POU2F2: variants seen among roughly 807,000 people sequenced by gnomAD.
POU2F2 encodes the protein POU class 2 homeobox 2.
Under a neutral mutation model 63.5 loss-of-function variants are expected in POU2F2, and 14 were observed. The ratio of observed to expected loss-of-function variants is 0.22; its 90% confidence interval spans 0.15 to 0.34. POU2F2 has a LOEUF of 0.34. Ranked by LOEUF, POU2F2 falls within the 10% of genes least tolerant of loss-of-function variation. The pLI is 1.00. For synonymous variants in POU2F2, 306 were observed against 348.6 expected (o/e 0.88, Z 1.36); for missense variants, 607 against 815.2 (o/e 0.74, Z 3.11).
intron 5 of POU2F2, among the ~76,000 whole-genome samples, chr19:42,114,314 C>T (rs2031553326): frequency 6.6e-6 from 1 of 152,084 alleles, no homozygotes; most frequent in African/African-American, 2.4e-5. Context: ...ACTGATATTT[C>T]CTCGAGCAGA....
intron 1 of POU2F2, among the ~76,000 whole-genome samples, chr19:42,187,526 C>T (rs1336737141): frequency 6.6e-6 from 1 of 150,494 alleles, no homozygotes; most frequent in African/African-American, 2.4e-5. Context: ...CTTCGGGAGG[C>T]CAAGGCAGGC....
chr19:42,132,609 G>T (rs569398587), upstream of POU2F2: 97 of 435,230 alleles, frequency 2.2e-4, no homozygotes, highest in African/African-American at 1.8e-3. Context: ...GTGCTGGGGG[G>T]TGGGGGCTAG....
At position 42,096,304 on chromosome 19, in the gene POU2F2, G is replaced by T; in HGVS notation, c.568-61C>A. ...GAGGACCAGGATGGGGCTCAGCGAT[G>T]GGTGCACAGTCCCCCTCCCGCCCTC... On this transcript the variant is annotated intron_variant, in intron 7 of 14. Transcript: ENST00000692977. The surrounding 1 kb of genome is among the most constrained non-coding windows in gnomAD (Gnocchi z 4.1). 6.9e-7 allele frequency: 1 copy of T among 1,444,846 alleles called. No individual in the cohort carries two copies. Among genetic ancestry groups the T allele is most frequent in the Non-Finnish European group, 9.2e-7 (1 of 1,083,158 alleles). The allele number at this position is 1,444,846 out of a possible 1,614,324, so 89.5% of individuals were successfully genotyped here.
At position 42,162,814 on chromosome 19, in the gene POU2F2, G is replaced by A. The variant is rs768396626; in HGVS notation, c.-69-2422C>T. Among the ~76,000 whole-genome samples, 13 of 152,216 alleles carry A rather than the reference G, an allele frequency of 8.5e-5. No homozygotes were observed. The highest frequency in any genetic ancestry group is 2.1e-4 in the South Asian group (1 of 4,824). On this transcript the variant is annotated intron_variant, in intron 1 of 6. Coordinates refer to the POU2F2 transcript ENST00000524801. This position sits in a 1 kb window ranked among gnomAD's most constrained non-coding sequence, Gnocchi z 4.1. ...TTGGGACAGGCCTAAGAATGATGAC[G>A]CCACTTGCCCCCACAGACACAGAAT...
rs777271479 is a variant in POU2F2 at position 42,091,425 on chromosome 19, C to A, written c.1707G>T (p.Leu569=). Residue 569 remains leucine (L), a synonymous_variant, in exon 15 of 15, where the codon CTG becomes CTT. Transcript: ENST00000692977. ...CCACAGCCGCAGCCGCTGCTGAGAC[C>A]AGGCCCACACCAGGCGGGGTGCTGA... ...PLLSTPPGVG[L]VSAAAAAVAA... 4.5e-6 allele frequency: 7 copies of A among 1,549,922 alleles called. No individual in the cohort carries two copies. Among genetic ancestry groups the A allele is most frequent in the Non-Finnish European group, 5.2e-6 (6 of 1,146,924 alleles).
chr19:42,164,740 T>A (rs533706676), intron 1 of POU2F2, among the ~76,000 whole-genome samples: 1 of 151,742 alleles, frequency 6.6e-6, no homozygotes, highest in African/African-American at 2.4e-5. Flanking sequence ...GGTGGGCGGA[T>A]CCCTTGAGCC....
At position 42,095,232 on chromosome 19, in the gene POU2F2, C is replaced by T; in HGVS notation, c.1197+54G>A. The stretch of plus-strand genomic sequence containing the variant: ...ACAACCAGGTAGGGTGGGCTTCACA[C>T]AGGTGCCTGCGGAGCTCTGTGGTCT... On this transcript the variant is annotated intron_variant, in intron 11 of 14. Coordinates refer to ENST00000692977, the MANE Select transcript of POU2F2 (RefSeq NM_001394376.1). The surrounding 1 kb of genome is among the most constrained non-coding windows in gnomAD (Gnocchi z 7.1). 2 of 1,558,752 alleles carry T rather than the reference C, an allele frequency of 1.3e-6. No homozygotes were observed. Among genetic ancestry groups the T allele is most frequent in the African/African-American group, 1.4e-5 (1 of 74,008 alleles).
chr19:42,163,098 G>A (rs1398404971), intron 1 of POU2F2, among the ~76,000 whole-genome samples: 1 of 152,032 alleles, frequency 6.6e-6, no homozygotes, highest in Non-Finnish European at 1.5e-5. Flanking sequence ...GACTCCGAGG[G>A]GCATGGGACA....
chr19:42,163,814 C>T (rs1280153986), intron 1 of POU2F2, among the ~76,000 whole-genome samples: 2 of 152,116 alleles, frequency 1.3e-5, no homozygotes, highest in African/African-American at 2.4e-5. Context: ...TGAGTGGGGA[C>T]TGGTACAATA....
At chr19:42,101,505 G>C (rs2146387983) in intron 5 of POU2F2, among the ~76,000 whole-genome samples, 1 of 152,240 alleles carries the variant, frequency 6.6e-6, no homozygotes, top group Non-Finnish European at 1.5e-5. Flanking sequence ...CAAGGAGAGA[G>C]GCCTGGAACA....
In POU2F2 at chr19:42,155,366, G is replaced by A. The variant is rs1482588241; in HGVS notation, c.-9+4966C>T. On this transcript the variant is annotated intron_variant, in intron 2 of 6. Coordinates refer to the POU2F2 transcript ENST00000524801. The surrounding 1 kb of genome is among the most constrained non-coding windows in gnomAD (Gnocchi z 4.2). ...GCTCTGTTCCCCTCTCTGTGTTTCTGTCATGAGGTGCATGCTCCCTGGGTC... is the reference window on the plus strand; with the variant it reads ...GCTCTGTTCCCCTCTCTGTGTTTCTATCATGAGGTGCATGCTCCCTGGGTC... 1.3e-5 allele frequency among the ~76,000 whole-genome samples: 2 copies of A among 152,024 alleles called. No homozygotes were observed. Among genetic ancestry groups the A allele is most frequent in the East Asian group, 3.9e-4 (2 of 5,176 alleles).
intron 14 of POU2F2, 136 bp from the exon 15 acceptor site, chr19:42,091,727 C>T (rs1397588141): frequency 6.4e-7 from 1 of 1,550,558 alleles, no homozygotes; most frequent in African/African-American, 1.4e-5. Context: ...TCACACCTTC[C>T]CCAAAGGTGA....
chr19:42,196,026 C>G (rs1431738799), intron 1 of POU2F2, among the ~76,000 whole-genome samples: 2 of 152,252 alleles, frequency 1.3e-5, no homozygotes, highest in East Asian at 3.9e-4. Context: ...GTAATATGAA[C>G]AGTTCGTTTC....
intron 1 of POU2F2, among the ~76,000 whole-genome samples, chr19:42,195,240 G>A (rs1393489424): frequency 6.6e-6 from 1 of 151,752 alleles, no homozygotes; most frequent in Non-Finnish European, 1.5e-5. Flanking sequence ...CAGCGTCCCT[G>A]CTGTTAACGT....
chr19:42,188,528 G>A (rs1430049693), intron 1 of POU2F2, among the ~76,000 whole-genome samples: 28 of 151,434 alleles, frequency 1.8e-4, no homozygotes, highest in South Asian at 6.3e-4. Flanking sequence ...AAAATTAGCC[G>A]GGCGTGGTGG....
At chr19:42,132,091 A>C (rs1480572699) in intron 1 of POU2F2, among the ~76,000 whole-genome samples, 4 of 152,076 alleles carry the variant, frequency 2.6e-5, no homozygotes, top group African/African-American at 9.7e-5. Context: ...CTGGTTCTCC[A>C]CATGAGGGCC....
rs1201269618 is a variant in POU2F2 at position 42,155,074 on chromosome 19, G to A, written c.-9+5258C>T. 2.0e-5 allele frequency among the ~76,000 whole-genome samples: 3 copies of A among 152,198 alleles called. No individual in the cohort carries two copies. Among genetic ancestry groups the A allele is most frequent in the Non-Finnish European group, 4.4e-5 (3 of 68,030 alleles). On this transcript the variant is annotated intron_variant, in intron 2 of 6. Coordinates refer to the POU2F2 transcript ENST00000524801. This position sits in a 1 kb window ranked among gnomAD's most constrained non-coding sequence, Gnocchi z 4.2. ...CCAGGCATGGCCAGCCTGGGGGGTG[G>A]GGGGCCAGGTGTGAGGTCCTTCCTT...
chr19:42,136,173 G>A (rs2034007415), upstream of POU2F2, among the ~76,000 whole-genome samples: 1 of 150,860 alleles, frequency 6.6e-6, no homozygotes, highest in Admixed American at 6.6e-5. Context: ...ACAGCATTGT[G>A]GTCTATGCTT....
intron 1 of POU2F2, among the ~76,000 whole-genome samples, chr19:42,168,854 C>T (rs944955605): frequency 6.6e-6 from 1 of 152,186 alleles, no homozygotes; most frequent in Non-Finnish European, 1.5e-5. Flanking sequence ...AGAGATGTTA[C>T]ACCTAGCCTA....
Sources: gnomAD v4.1 joint callset for allele counts (sites outside exome capture counted in the v4.1 genomes callset) on GRCh38, gnomAD v4.1.1 for gene constraint, Gnocchi (gnomAD v3.1) non-coding constraint, MANE v1.5 for transcripts, NCBI Gene and HGNC (gene_info 2026-07-23, HGNC 2026-07-21) for gene names.